PMS1: variants seen among roughly 807,000 people sequenced by gnomAD.
PMS1 encodes PMS1 homolog 1, mismatch repair system component, also known as PMS1 protein homolog 1.
Under a neutral mutation model 93.1 loss-of-function variants are expected in PMS1, and 79 were observed. The observed-to-expected ratio is 0.85, with a 90% CI of 0.71 to 1.02. PMS1 has a LOEUF of 1.02. Ranked by LOEUF, PMS1 falls within the 50% of genes least tolerant of loss-of-function variation. PMS1 has a pLI of 0.00. For synonymous variants in PMS1, 335 were observed against 363.4 expected, an observed-to-expected ratio of 0.92 and a Z score of 0.89; for missense variants, 1,064 against 1,085.3, an observed-to-expected ratio of 0.98 and a Z score of 0.28.
chr2:189,871,179 A>G (rs2057111872), intron 11 of PMS1, among the ~76,000 whole-genome samples: 1 of 152,218 alleles, frequency 6.6e-6, no homozygotes, highest in Middle Eastern at 3.2e-3. Context: ...GACCTGGGTC[A>G]TCACTCTTAA....
At chr2:189,819,850 G>A (rs1372600275) in intron 5 of PMS1, among the ~76,000 whole-genome samples, 1 of 152,130 alleles carries the variant, frequency 6.6e-6, no homozygotes, top group Non-Finnish European at 1.5e-5. Flanking sequence ...CTTTTGCTGT[G>A]CAGAAGCTTT....
At chr2:189,827,947 A>G (rs553669548) in intron 5 of PMS1, among the ~76,000 whole-genome samples, 2 of 148,114 alleles carry the variant, frequency 1.4e-5, no homozygotes, top group Non-Finnish European at 3.0e-5. Context: ...TGTTTGAGAC[A>G]GAGTCTTGCT....
intron 6 of PMS1, 86 bp from the exon 7 acceptor site, chr2:189,852,569 T>C: frequency 2.5e-6 from 3 of 1,204,026 alleles, no homozygotes; most frequent in South Asian, 1.3e-5. Flanking sequence ...TGTTTTTTAA[T>C]TTTTTTATAC....
intron 7 of PMS1, among the ~76,000 whole-genome samples, chr2:189,853,515 C>CTTTT (rs1160834468): frequency 7.0e-6 from 1 of 142,080 alleles, no homozygotes; most frequent in African/African-American, 2.9e-5. Flanking sequence ...CTTTTCTTTT[C>CTTTT]TTTTCTTTTT....
intron 5 of PMS1, among the ~76,000 whole-genome samples, chr2:189,831,657 C>CT (rs1221730678): frequency 6.6e-6 from 1 of 152,030 alleles, no homozygotes; most frequent in African/African-American, 2.4e-5. Flanking sequence ...GATTTTACTC[C>CT]TAAAAGAAGC....
At chr2:189,874,947 TG>T (rs1389103904) in intron 12 of PMS1, among the ~76,000 whole-genome samples, 1 of 152,070 alleles carries the variant, frequency 6.6e-6, no homozygotes, top group Non-Finnish European at 1.5e-5. Flanking sequence ...AAATTGGGAC[TG>T]GTTTTAAATA....
intron 6 of PMS1, 112 bp from the exon 7 acceptor site, chr2:189,852,543 C>A: frequency 3.3e-6 from 3 of 901,410 alleles, no homozygotes; most frequent in Non-Finnish European, 3.6e-6. Flanking sequence ...GCTTTTTAGA[C>A]CTTAAGATGA....
intron 9 of PMS1, among the ~76,000 whole-genome samples, chr2:189,863,382 T>C (rs953250386): frequency 6.6e-6 from 1 of 151,852 alleles, no homozygotes; most frequent in African/African-American, 2.4e-5. Flanking sequence ...GCCTTCTGAG[T>C]AGCTGGGACT....
chr2:189,795,871 AAT>A lies in PMS1; in HGVS notation c.237_238del (p.Asn79LysfsTer3). ...AATGAAGTACTACACCTCAAAAATAAATAGTCATGAAGATCTTGAAAATTTGA... is the reference window on the plus strand; with the variant it reads ...AATGAAGTACTACACCTCAAAAATAAAGTCATGAAGATCTTGAAAATTTGA... Reference protein sequence around the residue: ...MAMKYYTSKINSHEDLENLTT... With the variant: ...MAMKYYTSKIXSHEDLENLTT... On this transcript the variant is annotated frameshift_variant, in exon 3 of 13. Coordinates refer to ENST00000441310, the MANE Select transcript of PMS1 (RefSeq NM_000534.5). LOFTEE classifies it high-confidence loss of function. The A allele has an allele frequency of 1.2e-6, 2 of 1,613,574 alleles. No individual in the cohort carries two copies. The highest frequency in any genetic ancestry group is 1.7e-4 in the Middle Eastern group (1 of 6,060).
At position 189,843,998 on chromosome 2, in the gene PMS1, AC is replaced by A. The variant is rs763190120; in HGVS notation, c.618del (p.His206GlnfsTer14). The A allele has an allele frequency of 6.2e-7, 1 of 1,614,052 alleles. No individual in the cohort carries two copies. ...TGGCAGAAAAGCAGAGTATCAGATC[AC>A]AAGATGGCTCTCATGTCAGTTCTGG... ...VIWQKSRVSD[H>X]KMALMSVLGT... On this transcript the variant is annotated frameshift_variant, in exon 6 of 13. Coordinates refer to ENST00000441310, the MANE Select transcript of PMS1 (RefSeq NM_000534.5). LOFTEE classifies it high-confidence loss of function.
rs79169422 is a variant in PMS1, at chr2:189,859,804, T to G, written c.1857-3939T>G. 3.2e-3 allele frequency among the ~76,000 whole-genome samples: 483 copies of G among 152,292 alleles called. 1 individual carries two copies. Among genetic ancestry groups the G allele is most frequent in the African/African-American group, 0.011 (461 of 41,554 alleles). ...AATTTATCCAAATTTGTCTTTTCAT[T>G]GATGACTAAAATGAGAATTAAAAAA... is the stretch of plus-strand genomic sequence containing the variant. On this transcript the variant is annotated intron_variant, in intron 9 of 12. Transcript: ENST00000441310.
At chr2:189,829,931 A>T (rs5743065) in intron 5 of PMS1, among the ~76,000 whole-genome samples, 1 of 152,140 alleles carries the variant, frequency 6.6e-6, no homozygotes, top group Admixed American at 6.5e-5. Context: ...CTCCCTGCTT[A>T]CTTCTTATCC....
intron 5 of PMS1, among the ~76,000 whole-genome samples, chr2:189,828,370 C>T (rs2052634274): frequency 1.3e-5 from 2 of 152,148 alleles, no homozygotes; most frequent in Non-Finnish European, 2.9e-5. Context: ...AGGGTAATTG[C>T]CCCGATTTGA....
intron 9 of PMS1, among the ~76,000 whole-genome samples, chr2:189,855,516 AC>A (rs1324059832): frequency 2.0e-5 from 3 of 151,892 alleles, no homozygotes; most frequent in Non-Finnish European, 4.4e-5. Flanking sequence ...AACAGTTGTA[AC>A]TGGTGTTTTT....
At chr2:189,863,413 C>G (rs1177669633) in intron 9 of PMS1, among the ~76,000 whole-genome samples, 1 of 152,074 alleles carries the variant, frequency 6.6e-6, no homozygotes, top group Non-Finnish European at 1.5e-5. Flanking sequence ...ACCAACATGC[C>G]TGGCTAACTT....
chr2:189,874,286 A>C (rs5743187), intron 12 of PMS1, among the ~76,000 whole-genome samples: 15,035 of 152,172 alleles, frequency 0.099, 1,599 homozygotes, highest in African/African-American at 0.27. Flanking sequence ...AAGGGGTTTA[A>C]ACTAATGCTA....
chr2:189,875,041 G>A (rs1445594770), intron 12 of PMS1, among the ~76,000 whole-genome samples: 1 of 151,688 alleles, frequency 6.6e-6, no homozygotes, highest in Non-Finnish European at 1.5e-5. Flanking sequence ...GAAAAAAAAA[G>A]AGAGAACTTA....
At chr2:189,828,874 A>G (rs1264599732) in intron 5 of PMS1, among the ~76,000 whole-genome samples, 4 of 148,222 alleles carry the variant, frequency 2.7e-5, no homozygotes, top group Non-Finnish European at 4.4e-5. Flanking sequence ...AAAGCAGCTC[A>G]AAGTGTGTCT....
intron 5 of PMS1, among the ~76,000 whole-genome samples, chr2:189,821,108 G>A (rs1379733836): frequency 6.6e-6 from 1 of 151,822 alleles, no homozygotes; most frequent in Non-Finnish European, 1.5e-5. Flanking sequence ...TAATTAGGAA[G>A]GAAAAATAGA....
Sources: allele counts gnomAD v4.1 joint callset (sites outside exome capture counted in the v4.1 genomes callset), GRCh38; gene constraint gnomAD v4.1.1; transcripts MANE v1.5; gene names NCBI Gene and HGNC (gene_info 2026-07-23, HGNC 2026-07-21).